NUBPL: variants seen among roughly 807,000 people sequenced by gnomAD.
The protein encoded by NUBPL is NUBP iron-sulfur cluster assembly factor, mitochondrial.
NUBPL carries 31 observed loss-of-function variants against 45.7 expected under a neutral mutation model. The observed-to-expected ratio is 0.68, with a 90% CI of 0.51 to 0.92. The LOEUF (loss-of-function observed/expected upper bound fraction) is 0.92. Ranked by LOEUF, NUBPL falls within the 40% of genes least tolerant of loss-of-function variation. NUBPL has a pLI of 0.00. For synonymous variants in NUBPL, 144 were observed against 140.9 expected, an observed-to-expected ratio of 1.02 and a Z score of -0.15; for missense variants, 401 against 398.7, an observed-to-expected ratio of 1.01 and a Z score of -0.05.
intron 4 of NUBPL, among the ~76,000 whole-genome samples, chr14:31,665,518 C>T (rs1014198668): frequency 6.6e-6 from 1 of 152,146 alleles, no homozygotes; most frequent in Non-Finnish European, 1.5e-5. Context: ...TTTTCAGTTT[C>T]CACGTAGTTG....
chr14:31,798,711 G>T (rs1172234736), intron 7 of NUBPL, among the ~76,000 whole-genome samples: 1 of 130,830 alleles, frequency 7.6e-6, no homozygotes, highest in Admixed American at 9.2e-5. Flanking sequence ...AGAATGGCGT[G>T]AACCTGGGAG....
At chr14:31,596,917 T>C (rs2034299262) in intron 3 of NUBPL, among the ~76,000 whole-genome samples, 6 of 152,176 alleles carry the variant, frequency 3.9e-5, no homozygotes, top group Admixed American at 3.9e-4. Flanking sequence ...AATGGGGAGA[T>C]GCAATCAGGG....
In NUBPL at chr14:31,732,999, G is replaced by A. The variant is rs554731790; in HGVS notation, c.514-54781G>A. 2.2e-4 allele frequency among the ~76,000 whole-genome samples: 33 copies of A among 152,194 alleles called. 1 individual carries two copies. In the Middle Eastern group the frequency reaches 0.01, roughly 47 times the overall value. On this transcript the variant is annotated intron_variant, in intron 6 of 10. Coordinates refer to ENST00000281081, the MANE Select transcript of NUBPL (RefSeq NM_025152.3). The stretch of plus-strand genomic sequence containing the variant: ...GGAAATTCTATGTTTTCATCTAGAA[G>A]GTTTTTGATTCTGGTCTAAGCCTAT...
chr14:31,856,485 G>GA (rs1304733706), intron 10 of NUBPL, among the ~76,000 whole-genome samples: 2 of 152,026 alleles, frequency 1.3e-5, no homozygotes, highest in East Asian at 3.9e-4. Context: ...AACAGTCCCC[G>GA]AAAGTCTTAA....
intron 4 of NUBPL, among the ~76,000 whole-genome samples, chr14:31,634,810 G>C (rs1423770977): frequency 6.6e-6 from 1 of 150,600 alleles, no homozygotes; most frequent in Non-Finnish European, 1.5e-5. Flanking sequence ...ATCTCATTGT[G>C]GTTTTGATTT....
At chr14:31,617,181 G>T (rs2034926383) in intron 4 of NUBPL, among the ~76,000 whole-genome samples, 1 of 152,134 alleles carries the variant, frequency 6.6e-6, no homozygotes, top group South Asian at 2.1e-4. Flanking sequence ...GGGCTGAGAT[G>T]ATGGGGCTTT....
At chr14:31,818,473 A>G (rs1399427679) in intron 7 of NUBPL, among the ~76,000 whole-genome samples, 1 of 152,182 alleles carries the variant, frequency 6.6e-6, no homozygotes, top group Non-Finnish European at 1.5e-5. Context: ...GATGATTTAG[A>G]ACACCAGTAA....
At chr14:31,704,507 TA>T (rs1272566263) in intron 6 of NUBPL, among the ~76,000 whole-genome samples, 2 of 151,640 alleles carry the variant, frequency 1.3e-5, no homozygotes, top group East Asian at 3.9e-4. Context: ...CTACTAAAAA[TA>T]CAAAATTAGC....
Position 31,793,846 on chromosome 14 carries a change from T to TA in NUBPL, c.607+5973_607+5974insA, listed in dbSNP as rs1311206020. Among the ~76,000 whole-genome samples the TA allele has an allele frequency of 3.0e-5, 4 of 132,082 alleles. 1 individual carries two copies. The highest frequency in any genetic ancestry group is 1.4e-4 in the African/African-American group (4 of 28,750). The allele number at this position is 132,082 out of a possible 152,430, so 86.7% of individuals were successfully genotyped here. ...TATCTTTCTTTTTTTTTTTTATTTT[T>TA]TTTTTTATTTTTTCCCAATGCTATC... is the stretch of plus-strand genomic sequence containing the variant. On this transcript the variant is annotated intron_variant, in intron 7 of 10. Coordinates refer to ENST00000281081, the MANE Select transcript of NUBPL (RefSeq NM_025152.3).
intron 6 of NUBPL, among the ~76,000 whole-genome samples, chr14:31,726,459 C>T (rs1001995638): frequency 6.6e-6 from 1 of 152,188 alleles, no homozygotes; most frequent in South Asian, 2.1e-4. Context: ...AATGAATGCT[C>T]TATCAGTGGA....
At chr14:31,772,323 A>T (rs1482683851) in intron 6 of NUBPL, among the ~76,000 whole-genome samples, 1 of 152,138 alleles carries the variant, frequency 6.6e-6, no homozygotes, top group Non-Finnish European at 1.5e-5. Flanking sequence ...AAATATCTTG[A>T]TTCTTAAGCA....
At chr14:31,712,200 T>C (rs575817218) in intron 6 of NUBPL, among the ~76,000 whole-genome samples, 2 of 152,310 alleles carry the variant, frequency 1.3e-5, no homozygotes, top group South Asian at 4.1e-4. Flanking sequence ...AGAGCACTGA[T>C]TGGTGCATTT....
At chr14:31,699,985 T>C (rs915304585) in intron 6 of NUBPL, among the ~76,000 whole-genome samples, 3 of 152,206 alleles carry the variant, frequency 2.0e-5, no homozygotes, top group African/African-American at 7.2e-5. Flanking sequence ...GTATGTTAGT[T>C]GCTTGATTTC....
chr14:31,764,676 A>C (rs2038878562), intron 6 of NUBPL, among the ~76,000 whole-genome samples: 1 of 152,228 alleles, frequency 6.6e-6, no homozygotes, highest in South Asian at 2.1e-4. Context: ...TGACCAATGT[A>C]CTTAAATGAG....
chr14:31,639,507 C>G (rs1019192782), intron 4 of NUBPL, among the ~76,000 whole-genome samples: 1 of 152,172 alleles, frequency 6.6e-6, no homozygotes, highest in Non-Finnish European at 1.5e-5. Flanking sequence ...GGGTGCCTCC[C>G]AGTTAGGCTG....
intron 3 of NUBPL, among the ~76,000 whole-genome samples, chr14:31,575,933 A>G (rs1023972080): frequency 6.6e-6 from 1 of 152,190 alleles, no homozygotes; most frequent in Non-Finnish European, 1.5e-5. Context: ...TTGCTTGTCA[A>G]TTCAAAGGCA....
At chr14:31,780,689 A>G (rs2039177748) in intron 6 of NUBPL, among the ~76,000 whole-genome samples, 1 of 152,228 alleles carries the variant, frequency 6.6e-6, no homozygotes, top group African/African-American at 2.4e-5. Context: ...ACTATAGCCA[A>G]TTGCAAGTGC....
intron 2 of NUBPL, among the ~76,000 whole-genome samples, chr14:31,563,921 C>T (rs1219606815): frequency 6.6e-6 from 1 of 152,180 alleles, no homozygotes; most frequent in Non-Finnish European, 1.5e-5. Flanking sequence ...TAATCCTGAT[C>T]ACAGTTATGA....
intron 2 of NUBPL, among the ~76,000 whole-genome samples, 185 bp from the exon 3 acceptor site, chr14:31,564,829 T>TTCC (rs1352711682): frequency 6.6e-6 from 1 of 152,164 alleles, no homozygotes; most frequent in Middle Eastern, 3.2e-3. Context: ...ACTTTCTGTG[T>TTCC]TCCTCCATGT....
Sources: gnomAD v4.1 joint callset for allele counts (sites outside exome capture counted in the v4.1 genomes callset) on GRCh38, gnomAD v4.1.1 for gene constraint, MANE v1.5 for transcripts, NCBI Gene and HGNC (gene_info 2026-07-23, HGNC 2026-07-21) for gene names.